Variants in SLC2A13 observed in about 807,000 individuals in gnomAD.
SLC2A13 encodes the protein proton myo-inositol cotransporter.
SLC2A13 carries 32 observed loss-of-function variants against 64.4 expected under a neutral mutation model. The ratio of observed to expected loss-of-function variants is 0.50; its 90% CI spans 0.37 to 0.67. The LOEUF (loss-of-function observed/expected upper bound fraction) is 0.67. Among genes scored for constraint, SLC2A13 ranks in the 30% least tolerant of loss-of-function variants. The pLI is 0.00. For synonymous variants in SLC2A13, 338 were observed against 327.1 expected (o/e 1.03, Z -0.36); for missense variants, 743 against 829.2 (o/e 0.90, Z 1.28).
At chr12:39,962,214 C>T (rs964749216) in intron 3 of SLC2A13, among the ~76,000 whole-genome samples, 15 of 152,206 alleles carry the variant, frequency 9.9e-5, no homozygotes, top group Non-Finnish European at 1.6e-4. Context: ...CCTCAGCCTC[C>T]TGAGTAGCTG....
At chr12:39,910,327 A>T (rs1157633208) in intron 4 of SLC2A13, among the ~76,000 whole-genome samples, 1 of 152,140 alleles carries the variant, frequency 6.6e-6, no homozygotes, top group Non-Finnish European at 1.5e-5. Flanking sequence ...CTTACAGATG[A>T]TAAACTATGC....
At chr12:39,880,523 A>G (rs11174115) in intron 4 of SLC2A13, among the ~76,000 whole-genome samples, 6,918 of 152,288 alleles carry the variant, frequency 0.045, 486 homozygotes, top group East Asian at 0.28. Context: ...AGTCAATTGT[A>G]TCATACTACC....
intron 4 of SLC2A13, among the ~76,000 whole-genome samples, chr12:39,947,938 G>A (rs922621819): frequency 2.6e-5 from 4 of 152,012 alleles, no homozygotes; most frequent in Non-Finnish European, 5.9e-5. Context: ...GGAATTACAG[G>A]CATGAGCCAC....
intron 9 of SLC2A13, among the ~76,000 whole-genome samples, chr12:39,763,144 TTA>T (rs1248886735): frequency 6.6e-6 from 1 of 152,032 alleles, no homozygotes; most frequent in Non-Finnish European, 1.5e-5. Context: ...GAAGATAAGT[TTA>T]TGAATTTATC....
chr12:40,006,209 T>C (rs1393127647), intron 3 of SLC2A13, among the ~76,000 whole-genome samples: 1 of 152,130 alleles, frequency 6.6e-6, no homozygotes, highest in African/African-American at 2.4e-5. Context: ...TGGGAAAACA[T>C]AAGAATACAA....
intron 1 of SLC2A13, among the ~76,000 whole-genome samples, chr12:40,096,266 G>A (rs184820933): frequency 1.3e-4 from 19 of 151,998 alleles, no homozygotes; most frequent in South Asian, 6.2e-4. Flanking sequence ...AGTAAGTATC[G>A]TGTTCTTTTA....
chr12:40,070,452 C>A (rs1937909645), intron 1 of SLC2A13, among the ~76,000 whole-genome samples: 1 of 152,122 alleles, frequency 6.6e-6, no homozygotes, highest in South Asian at 2.1e-4. Context: ...CTAAACAGGG[C>A]ACTTCACTTC....
chr12:39,826,124 T>C (rs1269987426), intron 7 of SLC2A13, among the ~76,000 whole-genome samples: 1 of 152,162 alleles, frequency 6.6e-6, no homozygotes, highest in Non-Finnish European at 1.5e-5. Context: ...CTGAATTTAC[T>C]GTTTGTGCTT....
chr12:39,877,902 C>T (rs768648382), intron 4 of SLC2A13, among the ~76,000 whole-genome samples: 4 of 152,092 alleles, frequency 2.6e-5, no homozygotes, highest in South Asian at 2.1e-4. Flanking sequence ...TGGTGGGAGA[C>T]GTTTGGATCA....
intron 1 of SLC2A13, among the ~76,000 whole-genome samples, chr12:40,066,508 G>T (rs1937732088): frequency 6.6e-6 from 1 of 152,140 alleles, no homozygotes; most frequent in South Asian, 2.1e-4. Flanking sequence ...GTAGAATTAA[G>T]ATATAAATAA....
chr12:39,896,358 G>T (rs1278107279), intron 4 of SLC2A13, among the ~76,000 whole-genome samples: 2 of 137,072 alleles, frequency 1.5e-5, no homozygotes, highest in South Asian at 4.5e-4. Flanking sequence ...GTATGTATAT[G>T]TGTATATATG....
chr12:39,958,915 G>A (rs572328621), intron 3 of SLC2A13, among the ~76,000 whole-genome samples: 2 of 152,004 alleles, frequency 1.3e-5, no homozygotes, highest in South Asian at 4.2e-4. Flanking sequence ...TCTCTGTGCT[G>A]GATTATGTCG....
At chr12:39,899,828 G>T (rs1945035504) in intron 4 of SLC2A13, among the ~76,000 whole-genome samples, 1 of 152,092 alleles carries the variant, frequency 6.6e-6, no homozygotes, top group Admixed American at 6.6e-5. Flanking sequence ...TAGTTTGATT[G>T]CACTGTGGTC....
At chr12:39,836,362 T>A (rs1943003882) in intron 6 of SLC2A13, among the ~76,000 whole-genome samples, 1 of 152,124 alleles carries the variant, frequency 6.6e-6, no homozygotes, top group Non-Finnish European at 1.5e-5. Flanking sequence ...TCTTACTAGC[T>A]GCAGAGAAGA....
chr12:39,868,078 T>C (rs1477039855), intron 5 of SLC2A13, among the ~76,000 whole-genome samples: 1 of 152,224 alleles, frequency 6.6e-6, no homozygotes, highest in African/African-American at 2.4e-5. Context: ...GTTTTATCAG[T>C]CCCTTGTTAG....
rs73274681 is a variant in SLC2A13 at position 39,864,085 on chromosome 12, T to C, written c.1319+677A>G. On this transcript the variant is annotated intron_variant, in intron 6 of 9. Coordinates refer to ENST00000280871, the MANE Select transcript of SLC2A13 (RefSeq NM_052885.4). ...AACTTTGAAGCTCTGCTGCCAAATA[T>C]ATTAATCGATGTGTCCAATCACTCA... Among the ~76,000 whole-genome samples the C allele has an allele frequency of 7.5e-3, 1,136 of 152,326 alleles. 10 individuals are homozygous for C. Among genetic ancestry groups the C allele is most frequent in the African/African-American group, 0.026 (1,077 of 41,576 alleles).
At chr12:39,859,554 C>T (rs939290962) in intron 6 of SLC2A13, among the ~76,000 whole-genome samples, 1 of 152,052 alleles carries the variant, frequency 6.6e-6, no homozygotes, top group South Asian at 2.1e-4. Context: ...CAGAGTCTCC[C>T]TCTTGTCACC....
rs926142791 is a variant in SLC2A13 at position 39,898,712 on chromosome 12, C to A, written c.1035-26751G>T. Among the ~76,000 whole-genome samples, 4 of 152,252 alleles carry A rather than the reference C, an allele frequency of 2.6e-5. No homozygotes were observed. The South Asian group carries it at 8.3e-4, about 32-fold the overall frequency. On this transcript the variant is annotated intron_variant, in intron 4 of 9. Coordinates refer to ENST00000280871, the MANE Select transcript of SLC2A13 (RefSeq NM_052885.4). ...CAGATTGCAATCTCCCATTTGACTGCTCAATCTGGGGCATGTGTTCATGGA... is the reference window on the plus strand; with the variant it reads ...CAGATTGCAATCTCCCATTTGACTGATCAATCTGGGGCATGTGTTCATGGA...
chr12:40,019,843 A>C (rs1364792504), intron 3 of SLC2A13, among the ~76,000 whole-genome samples: 1 of 152,218 alleles, frequency 6.6e-6, no homozygotes, highest in African/African-American at 2.4e-5. Context: ...AGACACTTAC[A>C]CAGCAACTGA....
Sources: allele counts gnomAD v4.1 joint callset (sites outside exome capture counted in the v4.1 genomes callset), GRCh38; gene constraint gnomAD v4.1.1; transcripts MANE v1.5; gene names NCBI Gene and HGNC (gene_info 2026-07-23, HGNC 2026-07-21).